The following FAF1 variants were observed in gnomAD, a reference collection of about 807,000 sequenced individuals.
The protein encoded by FAF1 is Fas associated factor 1, also known as FAS-associated factor 1.
A neutral mutation model predicts 92.5 loss-of-function variants in FAF1; 25 were observed. The observed-to-expected ratio is 0.27, with a 90% CI of 0.20 to 0.38. FAF1 has a LOEUF of 0.38. Among genes scored for constraint, FAF1 ranks in the 10% least tolerant of loss-of-function variants. The pLI, the probability that FAF1 is intolerant of heterozygous loss-of-function variation, is 1.00. For missense variants in FAF1, 636 were observed against 793.3 expected (o/e 0.80, Z 2.38); for synonymous variants, 234 against 273.2 (o/e 0.86, Z 1.42).
intron 7 of FAF1, among the ~76,000 whole-genome samples, chr1:50,679,724 A>G (rs1656339499): frequency 6.6e-6 from 1 of 152,232 alleles, no homozygotes; most frequent in Non-Finnish European, 1.5e-5. Context: ...ACATAGTAGT[A>G]AATATAAAAT....
At chr1:50,637,718 T>TGC (rs1160092404) in intron 8 of FAF1, among the ~76,000 whole-genome samples, 2 of 147,940 alleles carry the variant, frequency 1.4e-5, no homozygotes, top group African/African-American at 5.0e-5. Context: ...TGTGTGCGTG[T>TGC]GCATATGTGT....
rs775237043 is a variant in FAF1, at chr1:50,788,081, T to G, written c.286A>C (p.Arg96=). ...PVMPSRQIVE[R]QPRMLDFRVE... ...CTGAAGTCCAGCATCCGAGGTTGCC[T>G]TTCTACAATCTGCCTGGATGGCATT... The change falls in exon 4 of 19, where the codon AGG becomes CGG. Residue 96 remains arginine, a synonymous_variant. Transcript: ENST00000396153. The G allele has an allele frequency of 6.2e-7, 1 of 1,614,178 alleles. No individual in the cohort carries two copies. The highest frequency in any genetic ancestry group is 2.2e-5 in the East Asian group (1 of 44,880).
At chr1:50,763,597 C>G (rs1016015327) in intron 4 of FAF1, among the ~76,000 whole-genome samples, 3 of 152,172 alleles carry the variant, frequency 2.0e-5, no homozygotes, top group Admixed American at 6.6e-5. Context: ...CCTTCCCTCT[C>G]CAGCCTCTAG....
rs533383948 is a variant in FAF1, at chr1:50,657,723, T to C, written c.658-2195A>G. Among the ~76,000 whole-genome samples the C allele has an allele frequency of 3.7e-3, 559 of 152,296 alleles. 1 individual carries two copies. Among genetic ancestry groups the C allele is most frequent in the Non-Finnish European group, 6.5e-3 (439 of 68,014 alleles). Reference sequence around the variant, plus strand: ...ATACATAATCACATCTAAGTTACCATTCCAGTGAAATAGAGATACTAGTTC... The same window carrying C: ...ATACATAATCACATCTAAGTTACCACTCCAGTGAAATAGAGATACTAGTTC... On this transcript the variant is annotated intron_variant, in intron 7 of 18. Coordinates refer to ENST00000396153, the MANE Select transcript of FAF1 (RefSeq NM_007051.3).
At chr1:50,494,704 T>C (rs913965637) in intron 15 of FAF1, among the ~76,000 whole-genome samples, 1 of 152,236 alleles carries the variant, frequency 6.6e-6, no homozygotes, top group Non-Finnish European at 1.5e-5. Context: ...ACCTGAGCTG[T>C]ACACTCCCAG....
chr1:50,538,154 T>C (rs1211044550), intron 14 of FAF1, among the ~76,000 whole-genome samples: 1 of 151,324 alleles, frequency 6.6e-6, no homozygotes, highest in Non-Finnish European at 1.5e-5. Context: ...CTACCCAGGC[T>C]ACATAAGCAT....
At chr1:50,642,574 G>A (rs965278895) in intron 8 of FAF1, among the ~76,000 whole-genome samples, 3 of 150,336 alleles carry the variant, frequency 2.0e-5, no homozygotes, top group East Asian at 2.0e-4. Context: ...ACTTGAACCC[G>A]GGAGGCAGAG....
chr1:50,450,243 C>G (rs1646278759), intron 18 of FAF1, among the ~76,000 whole-genome samples: 1 of 151,216 alleles, frequency 6.6e-6, no homozygotes, highest in South Asian at 2.1e-4. Context: ...GTGCTAGGCA[C>G]TAGGCTAGTT....
At chr1:50,560,892 A>G (rs1457596676) in intron 13 of FAF1, among the ~76,000 whole-genome samples, 2 of 152,236 alleles carry the variant, frequency 1.3e-5, no homozygotes, top group East Asian at 3.8e-4. Context: ...AACTTCAGCT[A>G]AGAATCCACA....
chr1:50,447,259 A>G (rs368686034), intron 18 of FAF1, among the ~76,000 whole-genome samples: 2 of 150,082 alleles, frequency 1.3e-5, no homozygotes, highest in Non-Finnish European at 3.0e-5. Context: ...CCGAGTAGCT[A>G]GGACTACAGG....
At chr1:50,654,313 T>A (rs1194478670) in intron 8 of FAF1, among the ~76,000 whole-genome samples, 2 of 152,212 alleles carry the variant, frequency 1.3e-5, no homozygotes, top group African/African-American at 4.8e-5. Flanking sequence ...TAGCCCTATT[T>A]ATTTTAAAAA....
intron 17 of FAF1, among the ~76,000 whole-genome samples, chr1:50,485,667 CAAAAAAAAAA>C (rs999538430): frequency 5.8e-4 from 8 of 13,714 alleles, no homozygotes; most frequent in Admixed American, 1.3e-3. Flanking sequence ...GAGACTGTCT[CAAAAAAAAAA>C]AAAAAAAAAA....
chr1:50,714,157 C>G (rs1658073420), intron 6 of FAF1, among the ~76,000 whole-genome samples: 1 of 151,888 alleles, frequency 6.6e-6, no homozygotes, highest in Non-Finnish European at 1.5e-5. Flanking sequence ...TCTCTCTTCA[C>G]TGGTATAAAT....
At chr1:50,671,545 T>TA (rs1414756017) in intron 7 of FAF1, among the ~76,000 whole-genome samples, 1 of 152,190 alleles carries the variant, frequency 6.6e-6, no homozygotes. Context: ...TAATAGATAA[T>TA]GTTAACTATA....
At position 50,653,372 on chromosome 1, in the gene FAF1, G is replaced by A. The variant is rs887303457; in HGVS notation, c.744+2070C>T. Among the ~76,000 whole-genome samples, 17 of 152,186 alleles carry A rather than the reference G, an allele frequency of 1.1e-4. No homozygotes were observed. The East Asian group carries it at 3.1e-3, about 28-fold the overall frequency. The stretch of plus-strand genomic sequence containing the variant: ...AAGGGGCTTTTGTTTTTGTTTTTCA[G>A]ATGGAGTTTTGCTCTTATTGCCCAG... On this transcript the variant is annotated intron_variant, in intron 8 of 18. Transcript: ENST00000396153.
chr1:50,704,548 G>A (rs1005811267), intron 7 of FAF1, among the ~76,000 whole-genome samples: 3 of 151,802 alleles, frequency 2.0e-5, no homozygotes, highest in Non-Finnish European at 1.5e-5. Flanking sequence ...ATGGAGCCAC[G>A]GCAAAACATT....
chr1:50,659,590 AT>A (rs918920154), intron 7 of FAF1, among the ~76,000 whole-genome samples: 56 of 149,134 alleles, frequency 3.8e-4, no homozygotes, highest in African/African-American at 1.2e-3. Context: ...TGTCTTACAC[AT>A]TTTTTTTTTG....
intron 17 of FAF1, among the ~76,000 whole-genome samples, chr1:50,487,843 G>A (rs187584351): frequency 4.7e-4 from 72 of 152,320 alleles, no homozygotes; most frequent in African/African-American, 1.6e-3. Context: ...GCTGTGAAAA[G>A]TCAGGTGACC....
In FAF1 at chr1:50,713,974, T is replaced by C. The variant is rs542678817; in HGVS notation, c.552-8083A>G. Among the ~76,000 whole-genome samples, 34 of 151,108 alleles carry C rather than the reference T, an allele frequency of 2.3e-4. No homozygotes were observed. The East Asian group carries it at 4.7e-3, about 21-fold the overall frequency. Reference sequence around the variant, plus strand: ...TTTTAGTTGAGACGGGGTTTCACCATCTTGGCCAGGCTGGTCTGGAACTCC... The same window carrying C: ...TTTTAGTTGAGACGGGGTTTCACCACCTTGGCCAGGCTGGTCTGGAACTCC... On this transcript the variant is annotated intron_variant, in intron 6 of 18. Transcript: ENST00000396153.
Sources: allele counts gnomAD v4.1 joint callset (sites outside exome capture counted in the v4.1 genomes callset), GRCh38; gene constraint gnomAD v4.1.1; transcripts MANE v1.5; gene names NCBI Gene and HGNC (gene_info 2026-07-23, HGNC 2026-07-21).